Variants in UGT1A7 observed in about 807,000 individuals in gnomAD.
UGT1A7 encodes the protein UDP glucuronosyltransferase family 1 member A7.
In UGT1A7, 33 loss-of-function variants were observed where a neutral mutation model predicts 45.6. The observed-to-expected ratio is 0.72, with a 90% confidence interval of 0.55 to 0.97. UGT1A7 has a LOEUF of 0.97. Ranked by LOEUF, UGT1A7 falls within the 50% of genes least tolerant of loss-of-function variation. The probability of loss-of-function intolerance (pLI) is 0.00; values close to 1 mark genes in which losing one functional copy is unlikely to be tolerated. For missense variants in UGT1A7, 684 were observed against 666.2 expected, an observed-to-expected ratio of 1.03 and a Z score of -0.29; for synonymous variants, 274 against 250.6, an observed-to-expected ratio of 1.09 and a Z score of -0.88.
Position 233,767,084 on chromosome 2 carries a change from C to G in UGT1A7, c.906C>G (p.Phe302Leu). 6.2e-7 allele frequency: 1 copy of G among 1,614,120 alleles called. No homozygotes were observed. Among genetic ancestry groups the G allele is most frequent in the Non-Finnish European group, 8.5e-7 (1 of 1,180,022 alleles). The change falls in exon 2 of 5, where the codon TTC becomes TTG. Residue 302 changes from phenylalanine (F) to leucine (L), a missense_variant. Transcript: ENST00000373426. ...NASGEHGIVV[F>L]SLGSMVSEIP... ...CTGGAGAACATGGAATTGTGGTTTT[C>G]TCTTTGGGATCAATGGTCTCAGAAA...
intron 1 of UGT1A7, chr2:233,747,522 G>C: frequency 6.2e-7 from 1 of 1,606,796 alleles, no homozygotes; most frequent in South Asian, 1.1e-5. Context: ...CTTTGAAACA[G>C]AACATTTTCT....
chr2:233,726,801 T>G (rs2077562254), intron 1 of UGT1A7, among the ~76,000 whole-genome samples: 1 of 152,218 alleles, frequency 6.6e-6, no homozygotes, highest in Non-Finnish European at 1.5e-5. Context: ...ATTCAAGGCT[T>G]GGAGGTTTTC....
chr2:233,753,697 A>G (rs1238167644), intron 1 of UGT1A7: 1 of 152,206 alleles, frequency 6.6e-6, no homozygotes, highest in African/African-American at 2.4e-5. Flanking sequence ...TTACAGATGC[A>G]CTTGGCTTTC....
intron 1 of UGT1A7, among the ~76,000 whole-genome samples, chr2:233,721,343 A>G (rs2076939379): frequency 6.6e-6 from 1 of 152,156 alleles, no homozygotes; most frequent in South Asian, 2.1e-4. Flanking sequence ...CTATGAATAT[A>G]TTCTTTAGAC....
chr2:233,753,976 G>A (rs531716097), intron 1 of UGT1A7, among the ~76,000 whole-genome samples: 12 of 152,206 alleles, frequency 7.9e-5, no homozygotes, highest in Non-Finnish European at 1.6e-4. Flanking sequence ...AACGTGTGTT[G>A]TTTTAAGCCA....
At chr2:233,759,349 A>C (rs900901642) in intron 1 of UGT1A7, among the ~76,000 whole-genome samples, 1 of 152,146 alleles carries the variant, frequency 6.6e-6, no homozygotes, top group African/African-American at 2.4e-5. Context: ...GAGCGCTGAA[A>C]ATCTCAACTA....
intron 1 of UGT1A7, chr2:233,693,582 C>G (rs755382467): frequency 6.2e-7 from 1 of 1,614,188 alleles, no homozygotes; most frequent in Non-Finnish European, 8.5e-7. Flanking sequence ...TCCTACATTC[C>G]CAGGTGCTAC....
intron 1 of UGT1A7, among the ~76,000 whole-genome samples, chr2:233,753,838 G>A (rs1367023028): frequency 6.6e-6 from 1 of 152,204 alleles, no homozygotes; most frequent in African/African-American, 2.4e-5. Flanking sequence ...GACAGTCCTA[G>A]TATATCATTG....
At chr2:233,731,933 C>A (rs562066404) in intron 1 of UGT1A7, among the ~76,000 whole-genome samples, 9 of 152,358 alleles carry the variant, frequency 5.9e-5, no homozygotes, top group Admixed American at 1.3e-4. Flanking sequence ...TCTCCACATC[C>A]TCTCCAACAT....
At chr2:233,682,866 A>C in intron 1 of UGT1A7, 74 bp downstream of exon 1, 1 of 1,525,494 alleles carries the variant, frequency 6.6e-7, no homozygotes, top group South Asian at 1.3e-5. Flanking sequence ...CAGAATCATA[A>C]TTTATCATTT....
At chr2:233,691,495 G>A (rs1226751684) in intron 1 of UGT1A7, 1 of 985,646 alleles carries the variant, frequency 1.0e-6, no homozygotes, top group East Asian at 1.1e-4. Context: ...GGTGGGAACA[G>A]GAACTCGCGT....
chr2:233,717,672 G>A (rs1559362720), intron 1 of UGT1A7: 4 of 421,080 alleles, frequency 9.5e-6, no homozygotes, highest in Admixed American at 2.5e-5. Flanking sequence ...GCAATCTTGC[G>A]AGCACATGTA....
Position 233,712,865 on chromosome 2 carries a change from G to A in UGT1A7, c.855+30073G>A, listed in dbSNP as rs575994883. The A allele has an allele frequency of 2.8e-4, 439 of 1,573,778 alleles. 3 individuals are homozygous for A. In the African/African-American group the frequency reaches 5.2e-3, roughly 19 times the overall value. On this transcript the variant is annotated intron_variant, in intron 1 of 4. Transcript: ENST00000373426. ...AACGGGTAATAAGTAACTGGAGGAGGGCACTCTGTCTTCAATTACATGTTG... is the reference window on the plus strand; with the variant it reads ...AACGGGTAATAAGTAACTGGAGGAGAGCACTCTGTCTTCAATTACATGTTG...
chr2:233,702,232 C>T (rs963611809), intron 1 of UGT1A7, among the ~76,000 whole-genome samples: 1 of 152,150 alleles, frequency 6.6e-6, no homozygotes, highest in African/African-American at 2.4e-5. Context: ...ATGAATTTGC[C>T]TATTTCTATG....
At chr2:233,737,925 G>A (rs1188589801) in intron 1 of UGT1A7, among the ~76,000 whole-genome samples, 1 of 152,078 alleles carries the variant, frequency 6.6e-6, no homozygotes, top group African/African-American at 2.4e-5. Context: ...AGTGTATTTA[G>A]TAGTGAGTCC....
intron 1 of UGT1A7, among the ~76,000 whole-genome samples, chr2:233,739,715 G>A (rs1691183669): frequency 1.3e-5 from 2 of 152,136 alleles, no homozygotes; most frequent in Admixed American, 6.5e-5. Context: ...TGGGGGAAGG[G>A]ACTTGACTTG....
intron 1 of UGT1A7, among the ~76,000 whole-genome samples, chr2:233,746,990 A>G (rs971804174): frequency 6.6e-6 from 1 of 151,860 alleles, no homozygotes. Context: ...GCAGGGTCAG[A>G]TGAGTTTTTC....
At chr2:233,691,835 G>A (rs2075059557) in intron 1 of UGT1A7, 1 of 166,852 alleles carries the variant, frequency 6.0e-6, no homozygotes, top group African/African-American at 2.4e-5. Context: ...GTAACAGTTT[G>A]AATGTTGTTA....
intron 4 of UGT1A7, among the ~76,000 whole-genome samples, chr2:233,768,849 G>A (rs1699741817): frequency 6.6e-6 from 1 of 152,046 alleles, no homozygotes; most frequent in African/African-American, 2.4e-5. Flanking sequence ...CTGCCAAAGT[G>A]CTGAGATTAC....
Sources: gnomAD v4.1 joint callset for allele counts (sites outside exome capture counted in the v4.1 genomes callset) on GRCh38, gnomAD v4.1.1 for gene constraint, MANE v1.5 for transcripts, NCBI Gene and HGNC (gene_info 2026-07-23, HGNC 2026-07-21) for gene names.